Variants in WDR41 observed in about 807,000 individuals in gnomAD.
WDR41 encodes WD repeat-containing protein 41.
A neutral mutation model predicts 69.3 loss-of-function variants in WDR41; 63 were observed. The ratio of observed to expected loss-of-function variants is 0.91; its 90% confidence interval spans 0.74 to 1.12. The LOEUF (loss-of-function observed/expected upper bound fraction) is 1.12. WDR41 is among the 50% of genes most tolerant of loss of function. The pLI is 0.00. For synonymous variants in WDR41, 185 were observed against 192.1 expected, an observed-to-expected ratio of 0.96 and a Z score of 0.31; for missense variants, 543 against 534.5, an observed-to-expected ratio of 1.02 and a Z score of -0.16.
chr5:77,455,000 T>G (rs1799771155), intron 5 of WDR41, among the ~76,000 whole-genome samples: 2 of 152,224 alleles, frequency 1.3e-5, no homozygotes, highest in African/African-American at 4.8e-5. Flanking sequence ...AACTTACATT[T>G]TCATATCTCT....
intron 6 of WDR41, 26 bp from the exon 7 acceptor site, chr5:77,451,379 C>T: frequency 1.2e-6 from 2 of 1,602,228 alleles, no homozygotes; most frequent in Non-Finnish European, 1.7e-6. Context: ...AAACAAAGTT[C>T]AAATTATTTT....
chr5:77,438,199 G>A, intron 10 of WDR41, 41 bp downstream of exon 10: 1 of 1,612,062 alleles, frequency 6.2e-7, no homozygotes, highest in African/African-American at 1.3e-5. Flanking sequence ...TGGGAACTGT[G>A]ACTTGCTTTC....
rs545189551 is a variant in WDR41, at chr5:77,509,332, C to T, written c.43-19760G>A. 2.0e-5 allele frequency among the ~76,000 whole-genome samples: 3 copies of T among 152,082 alleles called. No individual in the cohort carries two copies. In the South Asian group the frequency reaches 6.2e-4, roughly 32 times the overall value. Reference sequence around the variant, plus strand: ...TTCCCTGGAATTCCCCTTTGAATTCCCTGAAATGAAGGGGTCCCAGCAATT... The same window carrying T: ...TTCCCTGGAATTCCCCTTTGAATTCTCTGAAATGAAGGGGTCCCAGCAATT... On this transcript the variant is annotated intron_variant, in intron 1 of 5. Transcript: ENST00000509971.
intron 3 of WDR41, among the ~76,000 whole-genome samples, chr5:77,464,274 C>CT (rs71606297): frequency 0.11 from 10,599 of 93,604 alleles, 1,634 homozygotes; most frequent in East Asian, 0.3. Flanking sequence ...TAGGAAAAAA[C>CT]TTTTTTTTTT....
chr5:77,535,353 A>G (rs912460648), intron 1 of WDR41, among the ~76,000 whole-genome samples: 1 of 152,212 alleles, frequency 6.6e-6, no homozygotes, highest in African/African-American at 2.4e-5. Context: ...GATGTTTCTC[A>G]TAAACACCGA....
chr5:77,552,830 C>T (rs1743321792), intron 1 of WDR41, among the ~76,000 whole-genome samples: 1 of 152,140 alleles, frequency 6.6e-6, no homozygotes, highest in Non-Finnish European at 1.5e-5. Flanking sequence ...GGAACAATTG[C>T]ATATCCATAT....
chr5:77,498,816 CAA>C (rs35946022), intron 1 of WDR41, among the ~76,000 whole-genome samples: 14 of 87,376 alleles, frequency 1.6e-4, no homozygotes, highest in African/African-American at 1.6e-4. Context: ...AAGACCCCAT[CAA>C]AAAAAAAAAA....
chr5:77,506,265 C>G (rs1207968109), intron 1 of WDR41, among the ~76,000 whole-genome samples: 1 of 152,144 alleles, frequency 6.6e-6, no homozygotes, highest in Non-Finnish European at 1.5e-5. Context: ...GACATTTATG[C>G]AGCCAAAAGA....
At chr5:77,582,706 C>T (rs1050346548) in intron 1 of WDR41, 3 of 1,593,548 alleles carry the variant, frequency 1.9e-6, no homozygotes, top group Non-Finnish European at 2.6e-6. Context: ...GGTGTTGCAG[C>T]TTCTTCGCCT....
chr5:77,537,463 G>C (rs892209299), intron 1 of WDR41, among the ~76,000 whole-genome samples: 1 of 152,160 alleles, frequency 6.6e-6, no homozygotes, highest in Non-Finnish European at 1.5e-5. Flanking sequence ...GGTGCAGCAG[G>C]GTAGGTATAA....
intron 1 of WDR41, among the ~76,000 whole-genome samples, chr5:77,503,546 T>G (rs923244052): frequency 7.9e-5 from 12 of 152,186 alleles, no homozygotes; most frequent in African/African-American, 2.9e-4. Flanking sequence ...TCTACAGACC[T>G]CTTCACCCAA....
At chr5:77,599,774 A>G (rs1744291648) in intron 1 of WDR41, among the ~76,000 whole-genome samples, 1 of 152,136 alleles carries the variant, frequency 6.6e-6, no homozygotes. Context: ...CATGGAGAAC[A>G]CACAATCCAA....
chr5:77,476,580 A>G (rs1178415766), intron 2 of WDR41, among the ~76,000 whole-genome samples: 3 of 151,184 alleles, frequency 2.0e-5, no homozygotes, highest in Non-Finnish European at 4.5e-5. Context: ...ACTAAGCTTC[A>G]TAAGTGAAGG....
chr5:77,437,518 G>T, intron 10 of WDR41, 94 bp from the exon 11 acceptor site: 1 of 1,074,182 alleles, frequency 9.3e-7, no homozygotes. Context: ...GCCCTCAACT[G>T]CTTTTATTCA....
chr5:77,606,050 G>C (rs1179577321), intron 1 of WDR41, among the ~76,000 whole-genome samples: 2 of 152,176 alleles, frequency 1.3e-5, no homozygotes. Flanking sequence ...GTTAGGGAAA[G>C]CTAGAAGATG....
chr5:77,433,367 T>C, intron 12 of WDR41, 80 bp from the exon 13 acceptor site: 1 of 1,365,110 alleles, frequency 7.3e-7, no homozygotes, highest in Non-Finnish European at 1.0e-6. Flanking sequence ...CATGTGCGTG[T>C]GAGATATGTG....
At position 77,453,878 on chromosome 5, in the gene WDR41, G is replaced by GTCAT. The variant is rs775006935; in HGVS notation, c.458_461dup (p.Asp154GlufsTer2). The GTCAT allele has an allele frequency of 3.1e-6, 5 of 1,614,022 alleles. No individual in the cohort carries two copies. The Admixed American group carries it at 6.7e-5, about 22-fold the overall frequency. ...CTAATTTTCGGTTCCACACACACAG[G>GTCAT]TCATTCCCACCAGAAAGCCAAACAT... On this transcript the variant is annotated stop_gained and frameshift_variant, in exon 6 of 13. Transcript: ENST00000296679. LOFTEE classifies it high-confidence loss of function.
intron 1 of WDR41, among the ~76,000 whole-genome samples, chr5:77,502,857 C>T (rs1351124922): frequency 3.9e-5 from 6 of 152,118 alleles, no homozygotes; most frequent in Admixed American, 3.9e-4. Flanking sequence ...ACAAGAGCTC[C>T]TGAAGGAAGC....
At chr5:77,513,244 T>G (rs539612748) in intron 1 of WDR41, among the ~76,000 whole-genome samples, 93 of 152,256 alleles carry the variant, frequency 6.1e-4, no homozygotes, top group African/African-American at 2.1e-3. Flanking sequence ...ACTAATAGAT[T>G]TTAGAGTCTT....
Sources: allele counts gnomAD v4.1 joint callset (sites outside exome capture counted in the v4.1 genomes callset), GRCh38; gene constraint gnomAD v4.1.1; transcripts MANE v1.5; gene names NCBI Gene and HGNC (gene_info 2026-07-23, HGNC 2026-07-21).